Variants in ZNF529 observed in about 807,000 individuals in gnomAD.
ZNF529 encodes the protein zinc finger protein 529.
A neutral mutation model predicts 10.1 loss-of-function variants in ZNF529; 11 were observed. The ratio of observed to expected loss-of-function variants is 1.09; its 90% confidence interval spans 0.69 to 1.81. ZNF529 has a LOEUF of 1.81. Ranked by LOEUF, ZNF529 falls within the 40% of genes most tolerant of loss-of-function variation. The pLI is 0.00. For missense variants in ZNF529, 624 were observed against 666.8 expected (o/e 0.94, Z 0.71); for synonymous variants, 204 against 215.7 (o/e 0.95, Z 0.47).
At position 36,546,205 on chromosome 19, in the gene ZNF529, A is replaced by G. The variant is rs1218230779; in HGVS notation, c.*661T>C. On this transcript the variant is annotated 3_prime_UTR_variant, in exon 5 of 5. Transcript: ENST00000591340. ...TATACATCACACATACACTATATAC[A>G]CTATATGTGTATATACACTATATGT... The G allele has an allele frequency of 6.9e-6, 1 of 145,522 alleles. No individual in the cohort carries two copies. The highest frequency in any genetic ancestry group is 6.9e-5 in the Admixed American group (1 of 14,490). The allele number at this position is 145,522 out of a possible 1,614,324, so 9.0% of individuals were successfully genotyped here.
At chr19:36,585,542 G>C (rs999653182) in intron 2 of ZNF529, among the ~76,000 whole-genome samples, 1 of 152,234 alleles carries the variant, frequency 6.6e-6, no homozygotes, top group Non-Finnish European at 1.5e-5. Flanking sequence ...GAGGGAATAA[G>C]TCTTTATGAA....
chr19:36,600,582 C>T (rs999762587), intron 1 of ZNF529, among the ~76,000 whole-genome samples: 1 of 152,094 alleles, frequency 6.6e-6, no homozygotes, highest in African/African-American at 2.4e-5. Context: ...TGTTTTTGGA[C>T]AAACTCTTCC....
At chr19:36,577,126 T>C (rs1318269410), upstream of ZNF529, 3 of 451,164 alleles carry the variant, frequency 6.6e-6, no homozygotes, top group African/African-American at 6.0e-5. Flanking sequence ...CTAATTTTTG[T>C]ATTTTGTATT....
chr19:36,556,882 G>T (rs1286167135), intron 2 of ZNF529, among the ~76,000 whole-genome samples: 6 of 152,202 alleles, frequency 3.9e-5, no homozygotes, highest in Non-Finnish European at 7.3e-5. Flanking sequence ...AGAATGTGGA[G>T]AAGTTTAAAC....
chr19:36,585,647 G>T (rs369759298), intron 2 of ZNF529, among the ~76,000 whole-genome samples: 9 of 152,318 alleles, frequency 5.9e-5, no homozygotes, highest in African/African-American at 2.2e-4. Context: ...CTGGAAAATT[G>T]CTTTGTAAAC....
At position 36,543,701 on chromosome 19, in the gene ZNF529, G is replaced by C. The variant is rs2034919064; in HGVS notation, c.*3165C>G. ...TTAATTCCTGGTAAGGGCTCTCTTG[G>C]CTTCTCCTTGTGTCCTCATGTGGAC... On this transcript the variant is annotated 3_prime_UTR_variant, in exon 5 of 5. Coordinates refer to ENST00000591340, the MANE Select transcript of ZNF529 (RefSeq NM_020951.5). The C allele has an allele frequency of 6.6e-6, 1 of 152,002 alleles. No homozygotes were observed. Among genetic ancestry groups the C allele is most frequent in the Non-Finnish European group, 1.5e-5 (1 of 68,022 alleles). 9.4% of individuals were successfully genotyped at this position (152,002 alleles called of 1,614,324 possible). A position where few individuals can be genotyped will look rare whatever the true frequency, so the allele number is the denominator to read the frequency against.
chr19:36,556,079 AAGAAAAG>A lies in ZNF529; in HGVS notation c.108+18_108+24del. ...AGAATCAGAAAAAGGAAATATCACA[AAGAAAAG>A]AGAAGTAGTTAACTTACATGGTCCA... On this transcript the variant is annotated intron_variant, in intron 3 of 4. Transcript: ENST00000591340. The A allele has an allele frequency of 6.5e-7, 1 of 1,547,534 alleles. No homozygotes were observed. The highest frequency in any genetic ancestry group is 8.7e-7 in the Non-Finnish European group (1 of 1,145,128).
chr19:36,567,098 G>A (rs767492514), intron 2 of ZNF529, among the ~76,000 whole-genome samples: 1 of 151,974 alleles, frequency 6.6e-6, no homozygotes, highest in Non-Finnish European at 1.5e-5. Context: ...ATTCAGAACT[G>A]ACTATAAAAC....
At position 36,588,374 on chromosome 19, in the gene ZNF529, C is replaced by T. The variant is rs73931628; in HGVS notation, c.-41+1241G>A. On this transcript the variant is annotated intron_variant, in intron 2 of 4. Coordinates refer to the ZNF529 transcript ENST00000585960. The stretch of plus-strand genomic sequence containing the variant: ...GCTTTATTCAGAGCGTTGTTTTACC[C>T]TCCTAGTGTCCACTCCCTGCTGTCT... Among the ~76,000 whole-genome samples the T allele has an allele frequency of 9.6e-3, 1,455 of 152,198 alleles. 16 individuals are homozygous for T. Among genetic ancestry groups the T allele is most frequent in the African/African-American group, 0.032 (1,338 of 41,526 alleles).
In ZNF529 at chr19:36,548,062, C is replaced by T; in HGVS notation, c.496G>A (p.Asp166Asn). Residue 166 changes from aspartate to asparagine, a missense_variant, in exon 5 of 5, where the codon GAC (aspartate) becomes AAC (asparagine). Physicochemically the swap from Asp to Asn is conservative, Grantham distance 23. Coordinates refer to ENST00000591340, the MANE Select transcript of ZNF529 (RefSeq NM_020951.5). ...ESLTLPRRTHDSEKPYEYKEY... is the reference protein window; with the variant it reads ...ESLTLPRRTHNSEKPYEYKEY... ...TTGTATTCATAGGGCTTCTCACTGT[C>T]ATGAGTTCTCCGAGGTAAAGTAAGA... is the stretch of plus-strand genomic sequence containing the variant. The T allele has an allele frequency of 6.2e-7, 1 of 1,613,900 alleles. No individual in the cohort carries two copies. Among genetic ancestry groups the T allele is most frequent in the East Asian group, 2.2e-5 (1 of 44,852 alleles).
At chr19:36,550,659 TG>T (rs1249735761) in intron 4 of ZNF529, among the ~76,000 whole-genome samples, 2 of 152,176 alleles carry the variant, frequency 1.3e-5, no homozygotes, top group Non-Finnish European at 2.9e-5. Context: ...CTGACATCTA[TG>T]GAACGCAAAT....
At chr19:36,554,875 A>T (rs2035406261) in intron 3 of ZNF529, 79 bp from the exon 4 acceptor site, 2 of 1,341,376 alleles carry the variant, frequency 1.5e-6, no homozygotes, top group Admixed American at 5.2e-5. Context: ...ATTGCCTTAT[A>T]GCAAGGGGAT....
chr19:36,552,731 G>C (rs1474908046), intron 4 of ZNF529, among the ~76,000 whole-genome samples: 2 of 152,030 alleles, frequency 1.3e-5, no homozygotes, highest in African/African-American at 2.4e-5. Flanking sequence ...TTTTATTATA[G>C]CCAATTTTTA....
upstream of ZNF529, chr19:36,577,210 T>C (rs999781946): frequency 4.4e-6 from 2 of 453,226 alleles, no homozygotes; most frequent in African/African-American, 2.0e-5. Flanking sequence ...CCGGCCCTCC[T>C]TGACCTCCCA....
At chr19:36,594,204 C>G (rs1749009113) in intron 1 of ZNF529, 1 of 152,174 alleles carries the variant, frequency 6.6e-6, no homozygotes. Context: ...TGAATGGCAT[C>G]AGGAATGATC....
rs1156910930 is a variant in ZNF529 at position 36,544,344 on chromosome 19, ATTT to A, written c.*2519_*2521del. On this transcript the variant is annotated 3_prime_UTR_variant, in exon 5 of 5. Coordinates refer to ENST00000591340, the MANE Select transcript of ZNF529 (RefSeq NM_020951.5). ...GACACATTTTATTCATTAATTTATT[ATTT>A]GTTAATGACTTCAAAAAGTAAAAGC... The A allele has an allele frequency of 2.0e-5, 3 of 152,182 alleles. No individual in the cohort carries two copies. Among genetic ancestry groups the A allele is most frequent in the African/African-American group, 7.2e-5 (3 of 41,452 alleles). The allele number at this position is 152,182 out of a possible 1,614,324, so 9.4% of individuals were successfully genotyped here.
At chr19:36,560,784 A>G (rs2035660870) in intron 2 of ZNF529, among the ~76,000 whole-genome samples, 2 of 152,212 alleles carry the variant, frequency 1.3e-5, no homozygotes, top group Non-Finnish European at 2.9e-5. Flanking sequence ...CTGAAGTAAG[A>G]TATTTGGCAG....
chr19:36,548,055 T>C lies in ZNF529; in HGVS notation c.503A>G (p.Glu168Gly). Residue 168 changes from glutamate to glycine, a missense_variant, in exon 5 of 5, where the codon GAG (glutamate) becomes GGG (glycine). Coordinates refer to ENST00000591340, the MANE Select transcript of ZNF529 (RefSeq NM_020951.5). ...ATATTCCTTGTATTCATAGGGCTTC[T>C]CACTGTCATGAGTTCTCCGAGGTAA... ...LTLPRRTHDS[E>G]KPYEYKEYEK... The C allele has an allele frequency of 1.9e-6, 3 of 1,613,974 alleles. No individual in the cohort carries two copies. Among genetic ancestry groups the C allele is most frequent in the Non-Finnish European group, 2.5e-6 (3 of 1,179,882 alleles).
At chr19:36,594,225 A>C (rs1285230195) in intron 1 of ZNF529, 1 of 152,134 alleles carries the variant, frequency 6.6e-6, no homozygotes, top group Non-Finnish European at 1.5e-5. Flanking sequence ...AGAGACCATA[A>C]ATTCCAGTGA....
Sources: allele counts gnomAD v4.1 joint callset (sites outside exome capture counted in the v4.1 genomes callset), GRCh38; gene constraint gnomAD v4.1.1; transcripts MANE v1.5; gene names NCBI Gene and HGNC (gene_info 2026-07-23, HGNC 2026-07-21).